Variants in FRAS1 observed in about 807,000 individuals in gnomAD.
FRAS1 encodes the protein extracellular matrix organizing protein FRAS1.
A neutral mutation model predicts 435.2 loss-of-function variants in FRAS1; 290 were observed. The ratio of observed to expected loss-of-function variants is 0.67; its 90% CI spans 0.61 to 0.73. FRAS1 has a LOEUF of 0.73. FRAS1 is among the 30% of genes least tolerant of loss of function. The pLI is 0.00. For missense variants in FRAS1, 4,860 were observed against 5,001.5 expected (o/e 0.97, Z 0.85); for synonymous variants, 1,800 against 1,851.0 (o/e 0.97, Z 0.71).
At chr4:78,206,765 C>T (rs984130336) in intron 2 of FRAS1, among the ~76,000 whole-genome samples, 3 of 152,110 alleles carry the variant, frequency 2.0e-5, no homozygotes, top group African/African-American at 7.2e-5. Flanking sequence ...TTAGTTGAAC[C>T]CATTTTATAG....
intron 14 of FRAS1, among the ~76,000 whole-genome samples, chr4:78,298,757 G>C (rs1194339890): frequency 6.6e-6 from 1 of 152,172 alleles, no homozygotes; most frequent in African/African-American, 2.4e-5. Flanking sequence ...AATCTGCTGT[G>C]CATTCATTTA....
At chr4:78,408,180 A>G (rs1733179131) in intron 31 of FRAS1, among the ~76,000 whole-genome samples, 1 of 152,048 alleles carries the variant, frequency 6.6e-6, no homozygotes, top group Admixed American at 6.5e-5. Context: ...AGACTTACTC[A>G]CTACCATGAG....
intron 38 of FRAS1, among the ~76,000 whole-genome samples, chr4:78,437,606 C>A (rs1734482248): frequency 6.6e-6 from 1 of 152,158 alleles, no homozygotes; most frequent in African/African-American, 2.4e-5. Flanking sequence ...AACCTGTTGG[C>A]CCCCGCCCTC....
intron 41 of FRAS1, chr4:78,444,251 G>A (rs1467355697): frequency 2.3e-6 from 1 of 442,312 alleles, no homozygotes; most frequent in African/African-American, 2.0e-5. Context: ...AGGAATTTTA[G>A]CCGTTCCTTC....
In FRAS1 at chr4:78,333,257, T is replaced by C. The variant is rs773307467; in HGVS notation, c.2138-15T>C. On this transcript the variant is annotated splice_polypyrimidine_tract_variant and intron_variant, in intron 18 of 73. Coordinates refer to ENST00000512123, the MANE Select transcript of FRAS1 (RefSeq NM_025074.7). Reference sequence around the variant, plus strand: ...GGCTTTCCTGATTGTCTCCTTTGCTTTATCTTTCCCCCAGCTTGCCACCAG... The same window carrying C: ...GGCTTTCCTGATTGTCTCCTTTGCTCTATCTTTCCCCCAGCTTGCCACCAG... The C allele has an allele frequency of 6.3e-7, 1 of 1,598,124 alleles. No individual in the cohort carries two copies. Among genetic ancestry groups the C allele is most frequent in the Non-Finnish European group, 8.5e-7 (1 of 1,173,118 alleles).
At chr4:78,384,907 CAAAAAAAAAAAAA>C (rs11315732) in intron 28 of FRAS1, among the ~76,000 whole-genome samples, 23,038 of 102,190 alleles carry the variant, frequency 0.23, 2,384 homozygotes, top group Non-Finnish European at 0.29. Context: ...GACCCTGTCT[CAAAAAAAAAAAAA>C]AAAAAAAAAG....
At chr4:78,338,797 T>G (rs1730281894) in intron 20 of FRAS1, among the ~76,000 whole-genome samples, 1 of 152,144 alleles carries the variant, frequency 6.6e-6, no homozygotes, top group Admixed American at 6.5e-5. Context: ...TCTGGTGGAT[T>G]GAGGGTGGGG....
chr4:78,150,357 G>C (rs769041315), intron 2 of FRAS1, among the ~76,000 whole-genome samples: 7 of 152,146 alleles, frequency 4.6e-5, no homozygotes, highest in Non-Finnish European at 7.3e-5. Context: ...GATAAAAGTG[G>C]AGCTTTTTGG....
At chr4:78,323,157 T>G (rs763138267) in intron 18 of FRAS1, among the ~76,000 whole-genome samples, 3 of 152,214 alleles carry the variant, frequency 2.0e-5, no homozygotes, top group Non-Finnish European at 4.4e-5. Context: ...AACTTTGACT[T>G]CATGTTTCTT....
chr4:78,460,367 C>T (rs1456409887), intron 47 of FRAS1, among the ~76,000 whole-genome samples: 4 of 152,178 alleles, frequency 2.6e-5, no homozygotes, highest in Admixed American at 6.5e-5. Flanking sequence ...TGATTGAAAA[C>T]ACCTTCAATG....
intron 2 of FRAS1, among the ~76,000 whole-genome samples, chr4:78,167,689 G>A (rs926533232): frequency 2.6e-5 from 4 of 151,952 alleles, no homozygotes; most frequent in African/African-American, 9.7e-5. Flanking sequence ...GCACAGATTG[G>A]TTAAGTCATT....
intron 19 of FRAS1, among the ~76,000 whole-genome samples, chr4:78,334,153 T>C (rs1459942399): frequency 1.3e-5 from 2 of 152,136 alleles, no homozygotes; most frequent in African/African-American, 2.4e-5. Context: ...GTGCTCATTG[T>C]GGAAGGATTG....
At chr4:78,482,725 C>T (rs1720051311) in intron 58 of FRAS1, among the ~76,000 whole-genome samples, 190 bp downstream of exon 58, 1 of 152,190 alleles carries the variant, frequency 6.6e-6, no homozygotes, top group African/African-American at 2.4e-5. Context: ...ATTGATGTCT[C>T]CGGTACTCTG....
rs560849115 is a variant in FRAS1, at chr4:78,258,289, C to T, written c.603+2914C>T. On this transcript the variant is annotated intron_variant, in intron 6 of 73. Coordinates refer to ENST00000512123, the MANE Select transcript of FRAS1 (RefSeq NM_025074.7). The stretch of plus-strand genomic sequence containing the variant: ...CTGGGAGGTTGAGGCTGCAGTGAGC[C>T]GTGATCATGTCACTGCACTCCAGCC... Among the ~76,000 whole-genome samples, 5 of 150,706 alleles carry T rather than the reference C, an allele frequency of 3.3e-5. No homozygotes were observed. The South Asian group carries it at 1.1e-3, about 32-fold the overall frequency.
At chr4:78,282,754 A>G in intron 11 of FRAS1, 66 bp from the exon 12 acceptor site, 7 of 1,576,146 alleles carry the variant, frequency 4.4e-6, no homozygotes, top group Non-Finnish European at 6.1e-6. Context: ...TAAGTTCTTC[A>G]GCAGCAAGCT....
At chr4:78,337,464 C>A (rs2063547990) in intron 19 of FRAS1, among the ~76,000 whole-genome samples, 1 of 152,120 alleles carries the variant, frequency 6.6e-6, no homozygotes, top group Non-Finnish European at 1.5e-5. Flanking sequence ...TTCTAGATTC[C>A]ATATTGTGTT....
intron 45 of FRAS1, 46 bp from the exon 46 acceptor site, chr4:78,451,726 G>T (rs1416678869): frequency 2.7e-6 from 4 of 1,500,866 alleles, no homozygotes; most frequent in African/African-American, 1.4e-5. Context: ...AGAAATAAGG[G>T]CAGAAAGCAC....
Position 78,400,783 on chromosome 4 carries a change from A to G in FRAS1, c.4025A>G (p.Glu1342Gly). 6.2e-7 allele frequency: 1 copy of G among 1,613,492 alleles called. No individual in the cohort carries two copies. Among genetic ancestry groups the G allele is most frequent in the Non-Finnish European group, 8.5e-7 (1 of 1,179,686 alleles). Residue 1342 changes from glutamate to glycine, a missense_variant, in exon 30 of 74, where the codon GAA becomes GGA. Coordinates refer to ENST00000512123, the MANE Select transcript of FRAS1 (RefSeq NM_025074.7). Reference protein sequence around the residue: ...LVANSMVWVPEGGMLQITNRI... With the variant: ...LVANSMVWVPGGGMLQITNRI... Reference sequence around the variant, plus strand: ...GCTAATTCGATGGTGTGGGTTCCAGAAGGGGGGATGCTGCAGATCACCAAC... The same window carrying G: ...GCTAATTCGATGGTGTGGGTTCCAGGAGGGGGGATGCTGCAGATCACCAAC...
At position 78,282,869 on chromosome 4, in the gene FRAS1, G is replaced by A. The variant is rs774063613; in HGVS notation, c.1157G>A (p.Gly386Glu). The A allele has an allele frequency of 1.2e-6, 2 of 1,612,954 alleles. No individual in the cohort carries two copies. The highest frequency in any genetic ancestry group is 1.7e-6 in the Non-Finnish European group (2 of 1,179,666). ...CCTTGCAAGGTGTGTGAGTGCCGAGGGGCTCAGGTAACTTGCTACGAGCCC... is the reference window on the plus strand; with the variant it reads ...CCTTGCAAGGTGTGTGAGTGCCGAGAGGCTCAGGTAACTTGCTACGAGCCC... ...DGPCKVCECR[G>E]AQVTCYEPSC... The change falls in exon 12 of 74, where the codon GGG (glycine) becomes GAG (glutamate). Residue 386 changes from glycine to glutamate, a missense_variant. Transcript: ENST00000512123.
Sources: gnomAD v4.1 joint callset for allele counts (sites outside exome capture counted in the v4.1 genomes callset) on GRCh38, gnomAD v4.1.1 for gene constraint, MANE v1.5 for transcripts, NCBI Gene and HGNC (gene_info 2026-07-23, HGNC 2026-07-21) for gene names.